Variants in TIAM1 observed in about 807,000 individuals in gnomAD.
The protein encoded by TIAM1 is TIAM Rac1 associated GEF 1.
A neutral mutation model predicts 163.5 loss-of-function variants in TIAM1; 65 were observed. That is an observed-to-expected ratio of 0.40 (90% confidence interval 0.33 to 0.49). The LOEUF is 0.49. TIAM1 is among the 20% of genes least tolerant of loss of function. The pLI, the probability that TIAM1 is intolerant of heterozygous loss-of-function variation, is 0.77. For synonymous variants in TIAM1, 833 were observed against 810.1 expected, an observed-to-expected ratio of 1.03 and a Z score of -0.48; for missense variants, 1,789 against 2,044.7, an observed-to-expected ratio of 0.87 and a Z score of 2.41.
chr21:31,425,649 C>G (rs1465596410), intron 2 of TIAM1, among the ~76,000 whole-genome samples: 1 of 117,488 alleles, frequency 8.5e-6, no homozygotes. Flanking sequence ...CTCTCTCCCT[C>G]TTTCTTTCTT....
At chr21:31,393,541 C>T (rs2077002809) in intron 2 of TIAM1, among the ~76,000 whole-genome samples, 1 of 152,154 alleles carries the variant, frequency 6.6e-6, no homozygotes, top group Admixed American at 6.6e-5. Context: ...CTGTGTGTGT[C>T]CAAACTGCTG....
Position 31,120,743 on chromosome 21 carries a change from C to A in TIAM1, c.4401G>T (p.Pro1467=), listed in dbSNP as rs753140945. 2 of 1,614,090 alleles carry A rather than the reference C, an allele frequency of 1.2e-6. No individual in the cohort carries two copies. The highest frequency in any genetic ancestry group is 2.2e-5 in the South Asian group (2 of 91,072). The change falls in exon 28 of 28, where the codon CCG becomes CCT. Residue 1467 remains proline (P), a synonymous_variant. Transcript: ENST00000541036. This position sits in a 1 kb window ranked among gnomAD's most constrained non-coding sequence, Gnocchi z 4.2. ...CGGGGGGCTGCTGGGACTCTTTCTC[C>A]GGGCTGCTTGCGGAGACGGCATCAG... ...IDSDAVSASS[P]EKESQQPPGG... is the part of the protein sequence containing the mutation.
intron 5 of TIAM1, among the ~76,000 whole-genome samples, chr21:31,246,798 T>C (rs2071524895): frequency 6.6e-6 from 1 of 152,222 alleles, no homozygotes; most frequent in Admixed American, 6.5e-5. Flanking sequence ...CAGATGAATG[T>C]AGCATATTGA....
chr21:31,403,276 T>C (rs2077194841), intron 2 of TIAM1, among the ~76,000 whole-genome samples: 1 of 152,244 alleles, frequency 6.6e-6, no homozygotes, highest in South Asian at 2.1e-4. Flanking sequence ...GACTCCTAAG[T>C]AGCTGGGACT....
At chr21:31,191,044 G>A (rs180824956) in intron 13 of TIAM1, among the ~76,000 whole-genome samples, 1 of 152,268 alleles carries the variant, frequency 6.6e-6, no homozygotes, top group East Asian at 1.9e-4. Flanking sequence ...CTGAGGACTG[G>A]GGGAATGTTT....
At chr21:31,209,915 C>G in intron 11 of TIAM1, 130 bp downstream of exon 11, 1 of 919,438 alleles carries the variant, frequency 1.1e-6, no homozygotes, top group African/African-American at 1.7e-5. Context: ...AATGCTGCTC[C>G]GAAATGAAAG....
At chr21:31,261,898 CCAG>C (rs1409845780) in intron 4 of TIAM1, among the ~76,000 whole-genome samples, 7 of 152,136 alleles carry the variant, frequency 4.6e-5, no homozygotes, top group Non-Finnish European at 8.8e-5. Context: ...GCTGAGGTTC[CCAG>C]AGACATGCTC....
At position 31,482,349 on chromosome 21, in the gene TIAM1, A is replaced by C. The variant is rs561771917; in HGVS notation, c.-421-18314T>G. On this transcript the variant is annotated intron_variant, in intron 1 of 28. Coordinates refer to the TIAM1 transcript ENST00000286827. ...GTACTTATAGTAGAGACAGGGTTTC[A>C]CCACGCTGTCCAGGCTGGTCTCGAA... is the stretch of plus-strand genomic sequence containing the variant. 4.4e-4 allele frequency among the ~76,000 whole-genome samples: 67 copies of C among 152,006 alleles called. 1 individual carries two copies. The South Asian group carries it at 0.011, about 24-fold the overall frequency.
chr21:31,423,721 A>ACCT (rs2043673690), intron 2 of TIAM1, among the ~76,000 whole-genome samples: 1 of 151,050 alleles, frequency 6.6e-6, no homozygotes, highest in African/African-American at 2.4e-5. Context: ...AAAAAAAAAA[A>ACCT]AAAAAAAACC....
intron 2 of TIAM1, among the ~76,000 whole-genome samples, chr21:31,406,181 A>G (rs1056430482): frequency 8.7e-6 from 1 of 114,910 alleles, no homozygotes; most frequent in Non-Finnish European, 1.8e-5. Context: ...ATGTTATCTT[A>G]AAAAAAAAAA....
chr21:31,406,998 T>C (rs185257100), intron 2 of TIAM1, among the ~76,000 whole-genome samples: 4 of 152,270 alleles, frequency 2.6e-5, no homozygotes, highest in Admixed American at 1.3e-4. Context: ...TTTAAGGTCA[T>C]ACACCAATGA....
rs368668286 is a variant in TIAM1 at position 31,298,787 on chromosome 21, A to AG, written c.-188-21880_-188-21879insC. Among the ~76,000 whole-genome samples, 8 of 132,932 alleles carry AG rather than the reference A, an allele frequency of 6.0e-5. No homozygotes were observed. The East Asian group carries it at 6.7e-4, about 11-fold the overall frequency. The allele number at this position is 132,932 out of a possible 152,430, so 87.2% of individuals were successfully genotyped here. On this transcript the variant is annotated intron_variant, in intron 2 of 27. Transcript: ENST00000541036. ...GTGTGTGAGAAACAGAGAGAGAGAG[A>AG]AAAAAAAACAATGAGAGAGAGAGAG... is the stretch of plus-strand genomic sequence containing the variant.
At chr21:31,201,122 G>A (rs552722031) in intron 12 of TIAM1, among the ~76,000 whole-genome samples, 131 of 152,270 alleles carry the variant, frequency 8.6e-4, no homozygotes, top group South Asian at 2.5e-3. Context: ...GGTTAGGCAT[G>A]ATCCCTATAA....
chr21:31,328,871 C>T (rs1015114303), intron 2 of TIAM1, among the ~76,000 whole-genome samples: 4 of 152,092 alleles, frequency 2.6e-5, no homozygotes, highest in African/African-American at 9.7e-5. Context: ...GTCTCGAACT[C>T]CCAGGCTCAA....
At chr21:31,543,438 C>G (rs2048383447) in intron 1 of TIAM1, among the ~76,000 whole-genome samples, 1 of 152,162 alleles carries the variant, frequency 6.6e-6, no homozygotes, top group Admixed American at 6.6e-5. Flanking sequence ...TGGCTGAGAC[C>G]TTGCCATCTA....
At chr21:31,396,521 T>C (rs920614887) in intron 2 of TIAM1, among the ~76,000 whole-genome samples, 1 of 151,768 alleles carries the variant, frequency 6.6e-6, no homozygotes, top group African/African-American at 2.4e-5. Context: ...TGGCTCTGAG[T>C]TGGTCCTCAA....
intron 1 of TIAM1, among the ~76,000 whole-genome samples, chr21:31,505,869 C>T (rs1273089114): frequency 2.0e-5 from 3 of 151,688 alleles, no homozygotes; most frequent in African/African-American, 4.8e-5. Context: ...ATTAGCCGGA[C>T]GTGGTGGCGG....
At chr21:31,542,298 G>A (rs1005645046) in intron 1 of TIAM1, among the ~76,000 whole-genome samples, 32 of 152,074 alleles carry the variant, frequency 2.1e-4, no homozygotes, top group African/African-American at 7.2e-4. Context: ...GTGGTGGTGT[G>A]TGCCTGTATT....
At chr21:31,450,589 C>G (rs1388109058) in intron 2 of TIAM1, among the ~76,000 whole-genome samples, 2 of 152,122 alleles carry the variant, frequency 1.3e-5, no homozygotes, top group Non-Finnish European at 2.9e-5. Flanking sequence ...ACTCTCTTCC[C>G]TCCTTGAGAG....
Sources: gnomAD v4.1 joint callset for allele counts (sites outside exome capture counted in the v4.1 genomes callset) on GRCh38, gnomAD v4.1.1 for gene constraint, Gnocchi (gnomAD v3.1) non-coding constraint, MANE v1.5 for transcripts, NCBI Gene and HGNC (gene_info 2026-07-23, HGNC 2026-07-21) for gene names.